GDA: variants seen among roughly 807,000 people sequenced by gnomAD.
GDA encodes cytoplasmic PSD-95 interactor.
A neutral mutation model predicts 59.6 loss-of-function variants in GDA; 18 were observed. The ratio of observed to expected loss-of-function variants is 0.30; its 90% CI spans 0.21 to 0.45. The LOEUF (loss-of-function observed/expected upper bound fraction) is 0.45. GDA is among the 20% of genes least tolerant of loss of function. The pLI is 1.00. For missense variants in GDA, 427 were observed against 552.3 expected (o/e 0.77, Z 2.27); for synonymous variants, 201 against 201.1 (o/e 1.00, Z 0.00).
intron 1 of GDA, among the ~76,000 whole-genome samples, chr9:72,173,569 G>C (rs1830226537): frequency 6.6e-6 from 1 of 151,878 alleles, no homozygotes; most frequent in Non-Finnish European, 1.5e-5. Context: ...GACCTCAAGT[G>C]ATCCAACCGC....
intron 2 of GDA, among the ~76,000 whole-genome samples, chr9:72,201,098 G>A (rs2131334697): frequency 6.6e-6 from 1 of 151,674 alleles, no homozygotes; most frequent in South Asian, 2.1e-4. Flanking sequence ...CATTATCTAG[G>A]CATTGTTCTT....
chr9:72,211,155 C>A (rs189384582), intron 4 of GDA, among the ~76,000 whole-genome samples: 218 of 152,228 alleles, frequency 1.4e-3, no homozygotes, highest in African/African-American at 4.9e-3. Context: ...TGGCTATTGG[C>A]TAGAGTCAGG....
chr9:72,123,275 C>A (rs1157717660), intron 1 of GDA, among the ~76,000 whole-genome samples: 1 of 150,798 alleles, frequency 6.6e-6, no homozygotes, highest in Admixed American at 6.6e-5. Context: ...GCTCCGCCTC[C>A]CAGGTTCACG....
chr9:72,165,962 T>G (rs867959086), intron 1 of GDA, among the ~76,000 whole-genome samples: 10 of 151,894 alleles, frequency 6.6e-5, no homozygotes, highest in South Asian at 4.2e-4. Flanking sequence ...ATTTCCCCCT[T>G]CCCCAAGGGA....
At chr9:72,186,731 T>G (rs1447223386) in intron 1 of GDA, among the ~76,000 whole-genome samples, 1 of 152,220 alleles carries the variant, frequency 6.6e-6, no homozygotes, top group African/African-American at 2.4e-5. Flanking sequence ...CCTGTCTATT[T>G]CACATCTTGT....
At chr9:72,205,129 A>AAAAT in intron 3 of GDA, among the ~76,000 whole-genome samples, 1 of 151,458 alleles carries the variant, frequency 6.6e-6, no homozygotes, top group Non-Finnish European at 1.5e-5. Flanking sequence ...AAAAAAAAAA[A>AAAAT]AAATTGCGGA....
At chr9:72,182,683 A>G (rs1831401201) in intron 1 of GDA, among the ~76,000 whole-genome samples, 1 of 152,170 alleles carries the variant, frequency 6.6e-6, no homozygotes, top group Admixed American at 6.5e-5. Context: ...TTCACCCACT[A>G]GTTTTAGTGT....
At chr9:72,149,414 C>G (rs947661328), upstream of GDA, 4 of 930,944 alleles carry the variant, frequency 4.3e-6, no homozygotes, top group African/African-American at 3.5e-5. Flanking sequence ...TGCAGGGTAC[C>G]GGCAACCGCC....
chr9:72,216,404 C>CCAAGGCCATA (rs1233901177), intron 5 of GDA, among the ~76,000 whole-genome samples: 1 of 152,142 alleles, frequency 6.6e-6, no homozygotes, highest in Non-Finnish European at 1.5e-5. Flanking sequence ...AGAACTTGTC[C>CCAAGGCCATA]TGCACCAAAT....
At chr9:72,162,185 T>A (rs1179480333) in intron 1 of GDA, among the ~76,000 whole-genome samples, 1 of 152,190 alleles carries the variant, frequency 6.6e-6, no homozygotes, top group Admixed American at 6.5e-5. Context: ...GCTACTATGC[T>A]TGGAGCTCAT....
chr9:72,257,362 G>A (rs929612062), downstream of GDA: 2 of 152,174 alleles, frequency 1.3e-5, no homozygotes, highest in African/African-American at 2.4e-5. Flanking sequence ...GCAAATCAAA[G>A]AGCCCAGCCT....
At chr9:72,124,340 A>G (rs1183500032) in intron 1 of GDA, among the ~76,000 whole-genome samples, 1 of 152,236 alleles carries the variant, frequency 6.6e-6, no homozygotes, top group Non-Finnish European at 1.5e-5. Context: ...CAAACGCCTC[A>G]GTATTTTATG....
intron 2 of GDA, among the ~76,000 whole-genome samples, chr9:72,198,862 A>ATATATATATATATATATATATATGTATAT (rs1564025002): frequency 3.3e-5 from 3 of 91,724 alleles, no homozygotes; most frequent in Admixed American, 1.0e-4. Context: ...TATATATATA[A>ATATATATATATATATATATATATGTATAT]AATTTTTTTT....
chr9:72,247,008 A>C (rs1395650566), intron 12 of GDA, among the ~76,000 whole-genome samples: 1 of 152,192 alleles, frequency 6.6e-6, no homozygotes, highest in Admixed American at 6.5e-5. Context: ...TCAGGCTGCT[A>C]AAAGCCTAAA....
At chr9:72,233,192 G>A (rs1838556261) in intron 10 of GDA, among the ~76,000 whole-genome samples, 1 of 152,146 alleles carries the variant, frequency 6.6e-6, no homozygotes, top group Non-Finnish European at 1.5e-5. Flanking sequence ...AAGTCCAAGA[G>A]CAATTCACAC....
chr9:72,240,509 G>C (rs542962676), intron 10 of GDA, among the ~76,000 whole-genome samples: 9 of 152,138 alleles, frequency 5.9e-5, no homozygotes, highest in Admixed American at 5.9e-4. Context: ...TTGAATTGTG[G>C]GTCCCTAAAA....
chr9:72,234,392 A>T (rs1159656412), intron 10 of GDA, among the ~76,000 whole-genome samples: 1 of 152,250 alleles, frequency 6.6e-6, no homozygotes, highest in Admixed American at 6.5e-5. Context: ...CATCTAAGTT[A>T]TATATGTATT....
chr9:72,247,573 C>T, intron 13 of GDA, 140 bp downstream of exon 13: 1 of 620,110 alleles, frequency 1.6e-6, no homozygotes, highest in Non-Finnish European at 2.9e-6. Flanking sequence ...ATTTTTTTAA[C>T]AGTCTGAAGC....
At chr9:72,168,457 C>T (rs1829585671) in intron 1 of GDA, among the ~76,000 whole-genome samples, 1 of 138,110 alleles carries the variant, frequency 7.2e-6, no homozygotes, top group African/African-American at 2.7e-5. Context: ...TGCAGTGATA[C>T]GATCTCAGCT....
Sources: allele counts gnomAD v4.1 joint callset (sites outside exome capture counted in the v4.1 genomes callset), GRCh38; gene constraint gnomAD v4.1.1; transcripts MANE v1.5; gene names NCBI Gene and HGNC (gene_info 2026-07-23, HGNC 2026-07-21).